Variants in DTX1 observed in about 807,000 individuals in gnomAD.
DTX1 encodes the protein deltex E3 ubiquitin ligase 1.
DTX1 carries 26 observed loss-of-function variants against 57.8 expected under a neutral mutation model. The observed-to-expected ratio is 0.45, with a 90% confidence interval of 0.33 to 0.62. The LOEUF is 0.62. DTX1 is among the 20% of genes least tolerant of loss of function. The pLI, the probability that DTX1 is intolerant of heterozygous loss-of-function variation, is 0.02. For synonymous variants in DTX1, 398 were observed against 394.1 expected (o/e 1.01, Z -0.12); for missense variants, 704 against 895.3 (o/e 0.79, Z 2.73).
intron 3 of DTX1, among the ~76,000 whole-genome samples, chr12:113,085,882 A>G (rs2044853007): frequency 6.6e-6 from 1 of 152,194 alleles, no homozygotes; most frequent in South Asian, 2.1e-4. Context: ...CAGAGGAAAA[A>G]TATAGGAGAG....
At chr12:113,086,759 A>G (rs61942310) in intron 3 of DTX1, among the ~76,000 whole-genome samples, 15,407 of 151,754 alleles carry the variant, frequency 0.1, 868 homozygotes, top group Non-Finnish European at 0.12. Flanking sequence ...CAGGGGTTTG[A>G]AAATGTTAAA....
intron 3 of DTX1, among the ~76,000 whole-genome samples, chr12:113,082,226 G>T (rs548028888): frequency 1.8e-3 from 281 of 152,128 alleles, no homozygotes; most frequent in Middle Eastern, 3.4e-3. Flanking sequence ...CCCCACCCAC[G>T]CAGATGCTGC....
At chr12:113,088,251 A>G (rs894942512) in intron 3 of DTX1, among the ~76,000 whole-genome samples, 1 of 152,236 alleles carries the variant, frequency 6.6e-6, no homozygotes, top group Non-Finnish European at 1.5e-5. Context: ...CTCATGTGCC[A>G]TCTCTGCTCC....
chr12:113,078,775 C>T (rs1019097271), intron 3 of DTX1, among the ~76,000 whole-genome samples: 1 of 152,068 alleles, frequency 6.6e-6, no homozygotes, highest in African/African-American at 2.4e-5. Flanking sequence ...GTGGCTCGAG[C>T]AAGCATCAGC....
rs542617461 is a variant in DTX1 at position 113,093,310 on chromosome 12, G to T, written c.1003+87G>T. ...CACCCGGTGACCCCGCCCCCGAGAT[G>T]GGCTGGTGAGCGTGGCCCGGAGGAA... On this transcript the variant is annotated intron_variant, in intron 4 of 9. Transcript: ENST00000548759. The surrounding 1 kb of genome is among the most constrained non-coding windows in gnomAD (Gnocchi z 4.2). 2.0e-6 allele frequency: 3 copies of T among 1,467,508 alleles called. No individual in the cohort carries two copies. Among genetic ancestry groups the T allele is most frequent in the Admixed American group, 2.1e-5 (1 of 47,788 alleles). The allele number at this position is 1,467,508 out of a possible 1,614,324, so 90.9% of individuals were successfully genotyped here.
chr12:113,079,941 G>T (rs2044804695), intron 3 of DTX1, among the ~76,000 whole-genome samples: 1 of 152,152 alleles, frequency 6.6e-6, no homozygotes, highest in Non-Finnish European at 1.5e-5. Flanking sequence ...TCTGTCAAAT[G>T]GGAGCAGATC....
At position 113,094,110 on chromosome 12, in the gene DTX1, GA is replaced by G; in HGVS notation, c.1227+12del. ...AACCCACCTGATGAGGTGAGGAGGGGATGGGGGGGCTGGGGGAGGGCCCTGG... is the reference window on the plus strand; with the variant it reads ...AACCCACCTGATGAGGTGAGGAGGGGTGGGGGGGCTGGGGGAGGGCCCTGG... On this transcript the variant is annotated intron_variant, in intron 6 of 9. Transcript: ENST00000548759. 1.2e-6 allele frequency: 1 copy of G among 815,508 alleles called. No individual in the cohort carries two copies. Among genetic ancestry groups the G allele is most frequent in the Non-Finnish European group, 1.9e-6 (1 of 518,008 alleles). The allele number at this position is 815,508 out of a possible 1,614,324, so 50.5% of individuals were successfully genotyped here.
chr12:113,065,466 C>T (rs1055722981), intron 2 of DTX1, among the ~76,000 whole-genome samples: 1 of 152,128 alleles, frequency 6.6e-6, no homozygotes, highest in African/African-American at 2.4e-5. Context: ...GGTGGGGATG[C>T]CCGGGACAGA....
intron 6 of DTX1, among the ~76,000 whole-genome samples, chr12:113,094,353 A>G (rs1464067837): frequency 6.6e-6 from 1 of 152,174 alleles, no homozygotes; most frequent in Non-Finnish European, 1.5e-5. Context: ...TTTGATAGTT[A>G]AGCCCTTAAT....
Position 113,097,345 on chromosome 12 carries a change from C to A in DTX1, c.*406C>A, listed in dbSNP as rs1950316244. The stretch of plus-strand genomic sequence containing the variant: ...CTGTGTCTCAGTTGCATCTGTACAG[C>A]CTTGTCTGCAAACTGGAGGATGCGG... On this transcript the variant is annotated 3_prime_UTR_variant, in exon 10 of 10. Coordinates refer to ENST00000548759, the MANE Select transcript of DTX1 (RefSeq NM_004416.3). 5.9e-6 allele frequency: 1 copy of A among 168,438 alleles called. No homozygotes were observed. The allele number at this position is 168,438 out of a possible 1,614,324, so 10.4% of individuals were successfully genotyped here.
At chr12:113,080,376 G>T (rs1478758613) in intron 3 of DTX1, among the ~76,000 whole-genome samples, 1 of 152,162 alleles carries the variant, frequency 6.6e-6, no homozygotes, top group Non-Finnish European at 1.5e-5. Context: ...GGGGCTGGAG[G>T]TCCCAGAATG....
rs904734480 is a variant in DTX1 at position 113,077,963 on chromosome 12, G to C, written c.799G>C (p.Ala267Pro). Reference sequence around the variant, plus strand: ...CTGGGCAGCGCCCGCCGCCGGCCCCGCCGAGCCCGCGCCGCCTCCCGGGGC... The same window carrying C: ...CTGGGCAGCGCCCGCCGCCGGCCCCCCCGAGCCCGCGCCGCCTCCCGGGGC... ...ALWAAPAAGPAEPAPPPGAPP... is the reference protein window; with the variant it reads ...ALWAAPAAGPPEPAPPPGAPP... Residue 267 changes from alanine (A) to proline (P), a missense_variant, in exon 3 of 10, where the codon GCC (alanine) becomes CCC (proline). Physicochemically the swap from Ala to Pro is conservative, Grantham distance 27. Transcript: ENST00000548759. The surrounding 1 kb of genome is among the most constrained non-coding windows in gnomAD (Gnocchi z 7.8). The C allele has an allele frequency of 8.9e-5, 90 of 1,012,292 alleles. 1 individual carries two copies. The African/African-American group carries it at 1.5e-3, about 17-fold the overall frequency. The allele number at this position is 1,012,292 out of a possible 1,614,324, so 62.7% of individuals were successfully genotyped here. A position where few individuals can be genotyped will look rare whatever the true frequency, so the allele number is the denominator to read the frequency against.
At chr12:113,074,077 A>C (rs1249735038) in intron 2 of DTX1, among the ~76,000 whole-genome samples, 1 of 151,980 alleles carries the variant, frequency 6.6e-6, no homozygotes, top group East Asian at 1.9e-4. Flanking sequence ...CGAAAAATAC[A>C]AAAAAAATCA....
intron 3 of DTX1, among the ~76,000 whole-genome samples, chr12:113,082,442 G>A (rs1037656718): frequency 4.1e-4 from 62 of 152,176 alleles, no homozygotes; most frequent in African/African-American, 1.4e-3. Context: ...GCTTTCCATT[G>A]CTGAGACAGC....
At chr12:113,065,413 T>C (rs1426696674) in intron 2 of DTX1, among the ~76,000 whole-genome samples, 2 of 151,956 alleles carry the variant, frequency 1.3e-5, no homozygotes, top group African/African-American at 4.8e-5. Context: ...CCGAGTACCT[T>C]GGACAGCACC....
rs2044641380 is a variant in DTX1, at chr12:113,058,111, A to C, written c.-82A>C. The stretch of plus-strand genomic sequence containing the variant: ...GTCCTTGCTGTCCCCCTGGGGAGAG[A>C]GGAAGTTGCCGCCTGCTGCCAGGCC... On this transcript the variant is annotated 5_prime_UTR_variant, in exon 2 of 10. Coordinates refer to ENST00000548759, the MANE Select transcript of DTX1 (RefSeq NM_004416.3). 1 of 1,468,102 alleles carries C rather than the reference A, an allele frequency of 6.8e-7. No homozygotes were observed. Among genetic ancestry groups the C allele is most frequent in the African/African-American group, 1.4e-5 (1 of 70,544 alleles). The allele number at this position is 1,468,102 out of a possible 1,614,324, so 90.9% of individuals were successfully genotyped here. A position where few individuals can be genotyped will look rare whatever the true frequency, so the allele number is the denominator to read the frequency against.
At position 113,093,406 on chromosome 12, in the gene DTX1, A is replaced by G; in HGVS notation, c.1004-133A>G. ...CAGAAAGGCCCTTCAGGGGCCTTCAAGGGGCTGAGTGGGTGGGGCCCAAGA... is the reference window on the plus strand; with the variant it reads ...CAGAAAGGCCCTTCAGGGGCCTTCAGGGGGCTGAGTGGGTGGGGCCCAAGA... On this transcript the variant is annotated intron_variant, in intron 4 of 9. Transcript: ENST00000548759. The surrounding 1 kb of genome is among the most constrained non-coding windows in gnomAD (Gnocchi z 4.2). 2 of 1,366,112 alleles carry G rather than the reference A, an allele frequency of 1.5e-6. No homozygotes were observed. The highest frequency in any genetic ancestry group is 1.5e-5 in the South Asian group (1 of 65,510). The allele number at this position is 1,366,112 out of a possible 1,614,324, so 84.6% of individuals were successfully genotyped here.
chr12:113,070,639 T>C (rs1416636507), intron 2 of DTX1, among the ~76,000 whole-genome samples: 4 of 152,112 alleles, frequency 2.6e-5, no homozygotes, highest in South Asian at 2.1e-4. Context: ...AGGCAGTGGG[T>C]TCAGATCGGG....
chr12:113,081,377 A>C (rs2044816195), intron 3 of DTX1, among the ~76,000 whole-genome samples: 1 of 152,210 alleles, frequency 6.6e-6, no homozygotes, highest in Non-Finnish European at 1.5e-5. Flanking sequence ...GTTCTAGAGG[A>C]GGCTGAAAAT....
Sources: allele counts gnomAD v4.1 joint callset (sites outside exome capture counted in the v4.1 genomes callset), GRCh38; gene constraint gnomAD v4.1.1; non-coding constraint Gnocchi (gnomAD v3.1); transcripts MANE v1.5; gene names NCBI Gene and HGNC (gene_info 2026-07-23, HGNC 2026-07-21).